The following DNAH14 variants were observed in gnomAD, a reference collection of about 807,000 sequenced individuals.
DNAH14 encodes axonemal beta dynein heavy chain 14.
DNAH14 carries 478 observed loss-of-function variants against 520.9 expected under a neutral mutation model. The observed-to-expected ratio is 0.92, with a 90% CI of 0.85 to 0.99. The LOEUF (loss-of-function observed/expected upper bound fraction) is 0.99. DNAH14 is among the 50% of genes least tolerant of loss of function. DNAH14 has a pLI of 0.00. For missense variants in DNAH14, 4,831 were observed against 5,234.5 expected (o/e 0.92, Z 2.38); for synonymous variants, 1,581 against 1,757.2 (o/e 0.90, Z 2.51).
intron 43 of DNAH14, among the ~76,000 whole-genome samples, chr1:225,246,405 T>C (rs1244817504): frequency 6.6e-6 from 1 of 152,154 alleles, no homozygotes; most frequent in African/African-American, 2.4e-5. Context: ...AAAGAGCTTC[T>C]GCACAGCAAA....
intron 67 of DNAH14, 86 bp downstream of exon 67, chr1:225,337,582 C>A: frequency 9.6e-7 from 1 of 1,044,728 alleles, no homozygotes; most frequent in African/African-American, 1.7e-5. Context: ...TTTTCAGTGA[C>A]AGATAACTGT....
At chr1:225,060,953 G>T (rs1173548098) in intron 17 of DNAH14, among the ~76,000 whole-genome samples, 2 of 121,260 alleles carry the variant, frequency 1.6e-5, no homozygotes, top group Non-Finnish European at 3.7e-5. Context: ...TAGGCTACTT[G>T]GGGGTCAGGG....
intron 26 of DNAH14, 124 bp from the exon 27 acceptor site, chr1:225,123,403 G>A (rs977874450): frequency 4.3e-5 from 9 of 208,994 alleles, no homozygotes; most frequent in East Asian, 1.2e-4. Context: ...TGATTTCTAC[G>A]TTAGAACAAA....
intron 9 of DNAH14, among the ~76,000 whole-genome samples, chr1:225,003,690 G>A (rs1423652680): frequency 1.3e-5 from 2 of 151,872 alleles, no homozygotes; most frequent in Admixed American, 1.3e-4. Context: ...AACTAATGAA[G>A]GAGGAGGAAT....
chr1:225,058,395 A>G (rs2069473535), intron 17 of DNAH14, among the ~76,000 whole-genome samples: 1 of 151,902 alleles, frequency 6.6e-6, no homozygotes, highest in Admixed American at 6.5e-5. Context: ...GTCATTTTTT[A>G]TTGCGTCTAT....
At position 225,335,490 on chromosome 1, in the gene DNAH14, CGT is replaced by C. The variant is rs776149292; in HGVS notation, c.10081-1771_10081-1770del. Among the ~76,000 whole-genome samples the C allele has an allele frequency of 3.9e-4, 34 of 86,966 alleles. 6 individuals are homozygous for C. The East Asian group carries it at 0.014, about 36-fold the overall frequency. The allele number at this position is 86,966 out of a possible 152,430, so 57.1% of individuals were successfully genotyped here. On this transcript the variant is annotated intron_variant, in intron 66 of 85. Coordinates refer to ENST00000682510, the MANE Select transcript of DNAH14 (RefSeq NM_001367479.1). ...ACATGTGTGTGTATGCACATATACACGTGTGTACATGTACACATATACATATG... is the reference window on the plus strand; with the variant it reads ...ACATGTGTGTGTATGCACATATACACGTGTACATGTACACATATACATATG...
chr1:225,274,197 ATTTTTTTTTT>A (rs869247051), intron 52 of DNAH14, among the ~76,000 whole-genome samples: 1,258 of 92,946 alleles, frequency 0.014, 27 homozygotes, highest in African/African-American at 0.048. Context: ...AGCATCTGTT[ATTTTTTTTTT>A]TTTTTTTTTT....
At position 225,011,725 on chromosome 1, in the gene DNAH14, CTG is replaced by C. The variant is rs1234441024; in HGVS notation, c.1107+4183_1107+4184del. Among the ~76,000 whole-genome samples, 4 of 135,032 alleles carry C rather than the reference CTG, an allele frequency of 3.0e-5. No individual in the cohort carries two copies. In the East Asian group the frequency reaches 6.5e-4, roughly 22 times the overall value. The allele number at this position is 135,032 out of a possible 152,430, so 88.6% of individuals were successfully genotyped here. Reference sequence around the variant, plus strand: ...TTTTTAATCTTTATTGGTTTAAAGACTGTTTTATCAGATGCGAGGAATGCAAC... The same window carrying C: ...TTTTTAATCTTTATTGGTTTAAAGACTTTTATCAGATGCGAGGAATGCAAC... On this transcript the variant is annotated intron_variant, in intron 10 of 85. Transcript: ENST00000682510.
chr1:225,050,137 T>C (rs1032593637), intron 15 of DNAH14, 73 bp from the exon 16 acceptor site: 12 of 1,278,494 alleles, frequency 9.4e-6, no homozygotes, highest in Middle Eastern at 2.7e-4. Context: ...TAGTTCTAGA[T>C]GTCATGGATA....
chr1:224,930,666 G>C (rs1027729056), intron 1 of DNAH14, among the ~76,000 whole-genome samples: 1 of 151,980 alleles, frequency 6.6e-6, no homozygotes, highest in African/African-American at 2.4e-5. Context: ...GGCGCGACCT[G>C]GGCTCACTGC....
At chr1:225,198,280 C>T (rs538721157) in intron 38 of DNAH14, among the ~76,000 whole-genome samples, 6 of 151,090 alleles carry the variant, frequency 4.0e-5, no homozygotes, top group Middle Eastern at 3.4e-3. Flanking sequence ...TGCAGTGGTG[C>T]GATCTTGGCT....
intron 41 of DNAH14, among the ~76,000 whole-genome samples, chr1:225,223,478 A>G (rs2090245723): frequency 6.6e-6 from 1 of 152,140 alleles, no homozygotes; most frequent in African/African-American, 2.4e-5. Flanking sequence ...GAGTAATTAA[A>G]AGTCGGCCAT....
chr1:225,341,173 C>T (rs1392938295), intron 69 of DNAH14, among the ~76,000 whole-genome samples: 2 of 152,070 alleles, frequency 1.3e-5, no homozygotes, highest in Admixed American at 6.5e-5. Flanking sequence ...GGCGCAATCT[C>T]GGCTCACTGC....
At chr1:225,018,430 G>T (rs1034721731) in intron 10 of DNAH14, among the ~76,000 whole-genome samples, 1 of 152,206 alleles carries the variant, frequency 6.6e-6, no homozygotes, top group Non-Finnish European at 1.5e-5. Context: ...ACCAGATTGA[G>T]TTTCCTTAAA....
intron 64 of DNAH14, among the ~76,000 whole-genome samples, chr1:225,326,146 G>A (rs1010244129): frequency 6.6e-6 from 1 of 152,166 alleles, no homozygotes; most frequent in Non-Finnish European, 1.5e-5. Context: ...TAATCCTCAT[G>A]TAATCCTCAC....
intron 36 of DNAH14, among the ~76,000 whole-genome samples, chr1:225,173,534 G>A (rs1335728271): frequency 6.6e-6 from 1 of 152,194 alleles, no homozygotes. Context: ...GGCCATCAGA[G>A]AAATGGAAAT....
intron 67 of DNAH14, among the ~76,000 whole-genome samples, chr1:225,337,784 G>A (rs964218263): frequency 1.3e-5 from 2 of 152,108 alleles, no homozygotes; most frequent in East Asian, 1.9e-4. Context: ...AGATGTTTTT[G>A]AAACAGGCAT....
chr1:224,938,534 G>T (rs1413746876), intron 1 of DNAH14, among the ~76,000 whole-genome samples: 2 of 151,900 alleles, frequency 1.3e-5, no homozygotes, highest in African/African-American at 4.8e-5. Flanking sequence ...AAAAAGACAG[G>T]CAATAACAGA....
intron 69 of DNAH14, among the ~76,000 whole-genome samples, chr1:225,345,669 A>G (rs77158287): frequency 0.01 from 1,583 of 152,300 alleles, 13 homozygotes; most frequent in Middle Eastern, 0.031. Context: ...TGTATTCCTT[A>G]TCATGGAATG....
Sources: allele counts gnomAD v4.1 joint callset (sites outside exome capture counted in the v4.1 genomes callset), GRCh38; gene constraint gnomAD v4.1.1; transcripts MANE v1.5; gene names NCBI Gene and HGNC (gene_info 2026-07-23, HGNC 2026-07-21).